BPIFB3: variants seen among roughly 807,000 people sequenced by gnomAD.
BPIFB3 encodes the protein BPI fold containing family B member 3, also known as BPI fold-containing family B member 3.
BPIFB3 carries 49 observed loss-of-function variants against 53.1 expected under a neutral mutation model. That is an observed-to-expected ratio of 0.92 (90% CI 0.73 to 1.17). BPIFB3 has a LOEUF of 1.17. BPIFB3 is among the 50% of genes most tolerant of loss of function. BPIFB3 has a pLI of 0.00. For missense variants in BPIFB3, 628 were observed against 592.5 expected (o/e 1.06, Z -0.62); for synonymous variants, 271 against 269.6 (o/e 1.01, Z -0.05).
chr20:33,059,659 A>C (rs1980362517), intron 3 of BPIFB3, among the ~76,000 whole-genome samples, 177 bp downstream of exon 4: 1 of 149,462 alleles, frequency 6.7e-6, no homozygotes, highest in Non-Finnish European at 1.5e-5. Flanking sequence ...ATCCTATGCC[A>C]TTGCCCTTCC....
exon 6 of BPIFB3, chr20:33,063,623 CGTGGTGGACAGTGTGCTGGGT>C: frequency 6.2e-7 from 1 of 1,614,034 alleles, no homozygotes; most frequent in South Asian, 1.1e-5. Flanking sequence ...AGCTGTGCCC[CGTGGTGGACAGTGTGCTGGGT>C]GTGGTGAATG....
At chr20:33,055,378 G>T, upstream of BPIFB3, 2 of 1,604,642 alleles carry the variant, frequency 1.2e-6, no homozygotes, top group South Asian at 2.2e-5. Flanking sequence ...GGAAAGGCTT[G>T]AGCAGGAGAA....
intron 2 of BPIFB3, among the ~76,000 whole-genome samples, chr20:33,058,243 G>T (rs1003322738): frequency 6.6e-6 from 1 of 152,210 alleles, no homozygotes; most frequent in Non-Finnish European, 1.5e-5. Context: ...CGGAAAGAAG[G>T]GCTGATGGGT....
At position 33,056,630 on chromosome 20, in the gene BPIFB3, A is replaced by C. The variant is rs35539872; in HGVS notation, c.213A>C (p.Gly71=). The C allele has an allele frequency of 7.6e-3, 12,308 of 1,613,554 alleles. 833 individuals carry two copies. The African/African-American group carries it at 0.14, about 19-fold the overall frequency. The change falls in exon 2 of 15, where the codon GGA becomes GGC. Residue 71 remains glycine (G), a synonymous_variant. Coordinates refer to ENST00000375494, the Ensembl canonical transcript of BPIFB3. ...TGAACCGGGGCCTCTTGGGCTCAGG[A>C]GGGCTGCTTGGAGGAGGCGGCTTGC... is the stretch of plus-strand genomic sequence containing the variant.
rs544888977 is a variant in BPIFB3, at chr20:33,064,919, T to G, written c.924+74T>G. The stretch of plus-strand genomic sequence containing the variant: ...TGCCTTGGCATTACTAGTGTTGACC[T>G]AGGCCCTGATCAGCCTTGCTGAGCC... On this transcript the variant is annotated intron_variant, in intron 8 of 14. Coordinates refer to ENST00000375494, the Ensembl canonical transcript of BPIFB3. 136 of 1,496,182 alleles carry G rather than the reference T, an allele frequency of 9.1e-5. No individual in the cohort carries two copies. The African/African-American group carries it at 1.6e-3, about 18-fold the overall frequency. The allele number at this position is 1,496,182 out of a possible 1,614,324, so 92.7% of individuals were successfully genotyped here.
chr20:33,070,458 CA>C (rs1980839271), intron 11 of BPIFB3, among the ~76,000 whole-genome samples: 1 of 152,200 alleles, frequency 6.6e-6, no homozygotes, highest in South Asian at 2.1e-4. Context: ...TTACAGTTTG[CA>C]AAGCACCATC....
At chr20:33,060,300 G>A (rs935707673) in intron 4 of BPIFB3, among the ~76,000 whole-genome samples, 3 of 152,156 alleles carry the variant, frequency 2.0e-5, no homozygotes, top group African/African-American at 4.8e-5. Context: ...TCCCCTCTCC[G>A]CCAGAGCGGG....
chr20:33,060,011 C>G, exon 4 of BPIFB3: 1 of 1,614,040 alleles, frequency 6.2e-7, no homozygotes, highest in Non-Finnish European at 8.5e-7. Flanking sequence ...CGCTCCTGGG[C>G]CACATCAGCC....
At chr20:33,058,606 C>A (rs1287028858) in intron 2 of BPIFB3, among the ~76,000 whole-genome samples, 1 of 152,032 alleles carries the variant, frequency 6.6e-6, no homozygotes, top group Non-Finnish European at 1.5e-5. Flanking sequence ...TACTCTCCCT[C>A]CCCTGTGAAA....
chr20:33,069,093 C>T, intron 10 of BPIFB3, 120 bp downstream of exon 11: 1 of 1,127,702 alleles, frequency 8.9e-7, no homozygotes, highest in Non-Finnish European at 1.2e-6. Context: ...CATAGTCCAG[C>T]ACAGGAAGCC....
upstream of BPIFB3, among the ~76,000 whole-genome samples, chr20:33,054,129 G>A (rs1980097248): frequency 6.6e-6 from 1 of 152,126 alleles, no homozygotes; most frequent in African/African-American, 2.4e-5. Context: ...TTACAGATCT[G>A]GGGCCCAGAG....
chr20:33,064,235 G>A (rs1980571762), intron 6 of BPIFB3, among the ~76,000 whole-genome samples: 1 of 152,202 alleles, frequency 6.6e-6, no homozygotes, highest in African/African-American at 2.4e-5. Context: ...TGGAAAACAG[G>A]AATCCTGGTT....
chr20:33,065,750 C>G (rs561562393), intron 8 of BPIFB3, among the ~76,000 whole-genome samples: 1 of 152,290 alleles, frequency 6.6e-6, no homozygotes, highest in Non-Finnish European at 1.5e-5. Context: ...ACCCCAGAAG[C>G]CCCACCCAGA....
chr20:33,060,451 C>T (rs1402121018), intron 4 of BPIFB3, among the ~76,000 whole-genome samples: 2 of 152,214 alleles, frequency 1.3e-5, no homozygotes, highest in Non-Finnish European at 2.9e-5. Flanking sequence ...CCCATGTCCC[C>T]ATCTGTATAT....
chr20:33,066,076 G>A (rs2146388294), intron 8 of BPIFB3, among the ~76,000 whole-genome samples: 1 of 152,352 alleles, frequency 6.6e-6, no homozygotes, highest in Middle Eastern at 3.4e-3. Context: ...CCTCGTCCTG[G>A]TGCTGCATGT....
chr20:33,055,418 A>G (rs780586792), upstream of BPIFB3: 10 of 1,613,246 alleles, frequency 6.2e-6, no homozygotes, highest in Admixed American at 1.0e-4. Context: ...TCTGCTCCTT[A>G]TAGGCATGCA....
At chr20:33,059,284 G>A in intron 2 of BPIFB3, 94 bp from the exon 4 acceptor site, 3 of 819,734 alleles carry the variant, frequency 3.7e-6, no homozygotes, top group Non-Finnish European at 4.0e-6. Context: ...GTGGGTTTGA[G>A]GTGAGATAGG....
At chr20:33,059,940 C>T (rs137930923) in exon 4 of BPIFB3, 33 of 1,614,004 alleles carry the variant, frequency 2.0e-5, no homozygotes, top group East Asian at 6.7e-5. Context: ...CGTGACATCG[C>T]GGGTGGCGCT....
chr20:33,064,444 C>A lies in BPIFB3; in HGVS notation c.653-13C>A. On this transcript the variant is annotated splice_polypyrimidine_tract_variant and intron_variant, in intron 6 of 14. Transcript: ENST00000375494. ...GCTTATAGGGTCGTTCTCGCCCCCACTTTCCCACGCAGGCCTGGTGTCCCT... is the reference window on the plus strand; with the variant it reads ...GCTTATAGGGTCGTTCTCGCCCCCAATTTCCCACGCAGGCCTGGTGTCCCT... The A allele has an allele frequency of 1.2e-6, 2 of 1,612,212 alleles. No individual in the cohort carries two copies. Among genetic ancestry groups the A allele is most frequent in the Non-Finnish European group, 1.7e-6 (2 of 1,178,266 alleles).
Sources: allele counts gnomAD v4.1 joint callset (sites outside exome capture counted in the v4.1 genomes callset), GRCh38; gene constraint gnomAD v4.1.1; transcripts MANE v1.5; gene names NCBI Gene and HGNC (gene_info 2026-07-23, HGNC 2026-07-21).